The following HOMER2 variants were observed in gnomAD, a reference collection of about 807,000 sequenced individuals.
The protein encoded by HOMER2 is homer protein homolog 2.
A neutral mutation model predicts 47.0 loss-of-function variants in HOMER2; 27 were observed. The ratio of observed to expected loss-of-function variants is 0.57; its 90% confidence interval spans 0.42 to 0.79. HOMER2 has a LOEUF of 0.79. Ranked by LOEUF, HOMER2 falls within the 30% of genes least tolerant of loss-of-function variation. The probability of loss-of-function intolerance (pLI) is 0.00; values close to 1 mark genes in which losing one functional copy is unlikely to be tolerated. For synonymous variants in HOMER2, 161 were observed against 163.8 expected, an observed-to-expected ratio of 0.98 and a Z score of 0.13; for missense variants, 443 against 435.0, an observed-to-expected ratio of 1.02 and a Z score of -0.16.
chr15:82,929,481 C>A (rs1239850267), intron 1 of HOMER2, among the ~76,000 whole-genome samples: 2 of 151,742 alleles, frequency 1.3e-5, no homozygotes, highest in Non-Finnish European at 2.9e-5. Context: ...CATGGAGAAA[C>A]CCCGTCTCTA....
intron 4 of HOMER2, among the ~76,000 whole-genome samples, chr15:82,861,093 G>A (rs148426922): frequency 2.6e-4 from 39 of 152,310 alleles, no homozygotes; most frequent in African/African-American, 8.9e-4. Flanking sequence ...TGATGAGGGT[G>A]TGGTAAGAAA....
chr15:82,896,747 A>G (rs1040332791), intron 1 of HOMER2, among the ~76,000 whole-genome samples: 3 of 152,212 alleles, frequency 2.0e-5, no homozygotes, highest in Non-Finnish European at 2.9e-5. Context: ...CCAGTCTGGC[A>G]GGAAACTACC....
At chr15:82,858,709 ACACT>A (rs1217606921) in intron 5 of HOMER2, among the ~76,000 whole-genome samples, 13 of 152,188 alleles carry the variant, frequency 8.5e-5, no homozygotes, top group East Asian at 3.9e-4. Flanking sequence ...CCACACATGT[ACACT>A]CAATCACACA....
intron 6 of HOMER2, among the ~76,000 whole-genome samples, chr15:82,854,233 T>C (rs1760300569): frequency 6.6e-6 from 1 of 152,044 alleles, no homozygotes; most frequent in Non-Finnish European, 1.5e-5. Context: ...GGTGAAACCC[T>C]GTCTCTACTA....
chr15:82,840,232 A>G (rs910898791), exon 2 of HOMER2: 1 of 152,168 alleles, frequency 6.6e-6, no homozygotes, highest in Non-Finnish European at 1.5e-5. Flanking sequence ...ATAATAAAGG[A>G]AAAAATTAAG....
chr15:82,980,860 G>A (rs2030369779), intron 1 of HOMER2, among the ~76,000 whole-genome samples: 1 of 152,142 alleles, frequency 6.6e-6, no homozygotes, highest in African/African-American at 2.4e-5. Flanking sequence ...GAGTACTCAA[G>A]GGCAGAAACT....
At chr15:82,895,639 A>G (rs894919042) in intron 1 of HOMER2, among the ~76,000 whole-genome samples, 2 of 152,262 alleles carry the variant, frequency 1.3e-5, no homozygotes, top group Admixed American at 6.5e-5. Flanking sequence ...TTGTCAGAGC[A>G]CTAAATGGGC....
intron 1 of HOMER2, among the ~76,000 whole-genome samples, chr15:82,898,991 C>CA (rs1321565929): frequency 6.6e-6 from 1 of 152,170 alleles, no homozygotes; most frequent in African/African-American, 2.4e-5. Flanking sequence ...TAAACCCCTC[C>CA]AAACACCATC....
intron 5 of HOMER2, 24 bp from the exon 6 acceptor site, chr15:82,854,824 A>G (rs1289013650): frequency 3.1e-6 from 5 of 1,598,360 alleles, no homozygotes; most frequent in Non-Finnish European, 4.3e-6. Flanking sequence ...ACGGGCGGTG[A>G]CGACGGGGTG....
intron 5 of HOMER2, among the ~76,000 whole-genome samples, chr15:82,858,199 C>CT (rs1226972224): frequency 1.3e-5 from 2 of 152,008 alleles, no homozygotes; most frequent in African/African-American, 4.8e-5. Flanking sequence ...TTCCACATGA[C>CT]TTTTTTGTAT....
intron 2 of HOMER2, among the ~76,000 whole-genome samples, chr15:82,881,615 C>G (rs1172103566): frequency 6.6e-6 from 1 of 152,194 alleles, no homozygotes; most frequent in Non-Finnish European, 1.5e-5. Flanking sequence ...AGAAGGTGCT[C>G]TGTATTTATT....
chr15:82,859,314 TAAAC>T (rs1206832962), intron 4 of HOMER2, 179 bp from the exon 5 acceptor site: 112 of 820,952 alleles, frequency 1.4e-4, no homozygotes, highest in Middle Eastern at 6.9e-4. Flanking sequence ...GTTTTTTTTT[TAAAC>T]AAACAAACAA....
At chr15:82,892,366 T>C (rs936410807) in intron 2 of HOMER2, among the ~76,000 whole-genome samples, 1 of 152,172 alleles carries the variant, frequency 6.6e-6, no homozygotes, top group Non-Finnish European at 1.5e-5. Context: ...TTGAGGATAT[T>C]TGGTACATGA....
At chr15:82,908,417 A>T (rs1241813774) in intron 1 of HOMER2, among the ~76,000 whole-genome samples, 1 of 152,164 alleles carries the variant, frequency 6.6e-6, no homozygotes, top group African/African-American at 2.4e-5. Context: ...TGACCATGTC[A>T]AAACTAAGTG....
intron 4 of HOMER2, among the ~76,000 whole-genome samples, chr15:82,861,331 C>A (rs1050584009): frequency 2.6e-5 from 4 of 152,056 alleles, no homozygotes; most frequent in Admixed American, 2.0e-4. Flanking sequence ...ATAGGTTAAC[C>A]AAATAAGCTG....
intron 3 of HOMER2, among the ~76,000 whole-genome samples, chr15:82,869,493 C>T (rs2052108505): frequency 9.2e-6 from 1 of 108,456 alleles, no homozygotes; most frequent in Non-Finnish European, 1.7e-5. Context: ...GAGTCTCACT[C>T]TGTTACCCAG....
At chr15:82,932,775 T>A (rs1309131764) in intron 1 of HOMER2, among the ~76,000 whole-genome samples, 1 of 152,160 alleles carries the variant, frequency 6.6e-6, no homozygotes, top group Non-Finnish European at 1.5e-5. Context: ...CAAAGCTGTT[T>A]ACTCCTCAGA....
chr15:82,851,092 A>G (rs2051377080), intron 8 of HOMER2, 59 bp downstream of exon 8: 1 of 1,068,234 alleles, frequency 9.4e-7, no homozygotes, highest in East Asian at 2.6e-5. Context: ...GAAAATGAGT[A>G]CCATGACATT....
chr15:82,945,337 G>A (rs1402699048), intron 1 of HOMER2, among the ~76,000 whole-genome samples: 2 of 152,056 alleles, frequency 1.3e-5, no homozygotes, highest in Non-Finnish European at 2.9e-5. Flanking sequence ...TAAATGATGA[G>A]GTATTTTTAT....
Sources: allele counts gnomAD v4.1 joint callset (sites outside exome capture counted in the v4.1 genomes callset), GRCh38; gene constraint gnomAD v4.1.1; transcripts MANE v1.5; gene names NCBI Gene and HGNC (gene_info 2026-07-23, HGNC 2026-07-21).